Variants in TMEM123 observed in about 807,000 individuals in gnomAD.
TMEM123 encodes transmembrane protein 123, also known as porimin.
Under a neutral mutation model 19.7 loss-of-function variants are expected in TMEM123, and 16 were observed. That is an observed-to-expected ratio of 0.81 (90% CI 0.55 to 1.23). TMEM123 has a LOEUF of 1.23. Among genes scored for constraint, TMEM123 ranks in the 50% most tolerant of loss-of-function variants. TMEM123 has a pLI of 0.00. For missense variants in TMEM123, 313 were observed against 257.8 expected (o/e 1.21, Z -1.47); for synonymous variants, 118 against 99.4 (o/e 1.19, Z -1.12).
chr11:102,429,358 G>A (rs1000115052), intron 2 of TMEM123, among the ~76,000 whole-genome samples: 7 of 152,072 alleles, frequency 4.6e-5, no homozygotes, highest in African/African-American at 1.2e-4. Flanking sequence ...TCATAATCAC[G>A]CTTACGGTTC....
At chr11:102,440,826 C>T (rs1353262511) in intron 2 of TMEM123, among the ~76,000 whole-genome samples, 6 of 151,934 alleles carry the variant, frequency 3.9e-5, no homozygotes, top group Admixed American at 6.6e-5. Flanking sequence ...CACACATAGG[C>T]TCAAAATAAA....
At chr11:102,431,083 G>A (rs1190075888) in intron 2 of TMEM123, among the ~76,000 whole-genome samples, 1 of 152,126 alleles carries the variant, frequency 6.6e-6, no homozygotes, top group East Asian at 1.9e-4. Context: ...GAAATGTTTT[G>A]TAGGAGAGGG....
intron 2 of TMEM123, among the ~76,000 whole-genome samples, chr11:102,407,513 T>C (rs1951966139): frequency 6.6e-6 from 1 of 152,252 alleles, no homozygotes; most frequent in African/African-American, 2.4e-5. Context: ...TAACTCACAG[T>C]ACTTCAGAAT....
At chr11:102,416,271 T>C (rs973873249) in intron 2 of TMEM123, among the ~76,000 whole-genome samples, 3 of 151,506 alleles carry the variant, frequency 2.0e-5, no homozygotes, top group African/African-American at 7.3e-5. Context: ...GCTAGACTAA[T>C]AAAGAAAAAA....
intron 2 of TMEM123, among the ~76,000 whole-genome samples, chr11:102,443,419 A>G (rs1165520618): frequency 1.3e-5 from 2 of 152,224 alleles, no homozygotes; most frequent in African/African-American, 2.4e-5. Flanking sequence ...GATCTTTGAC[A>G]AACCTGACAA....
At chr11:102,442,167 C>T (rs367787914) in intron 2 of TMEM123, among the ~76,000 whole-genome samples, 20 of 152,226 alleles carry the variant, frequency 1.3e-4, no homozygotes, top group African/African-American at 2.6e-4. Flanking sequence ...TTCCAATCAA[C>T]AGAAAAAGAG....
At chr11:102,408,569 A>G (rs1951975702) in intron 2 of TMEM123, among the ~76,000 whole-genome samples, 1 of 152,214 alleles carries the variant, frequency 6.6e-6, no homozygotes, top group Admixed American at 6.5e-5. Flanking sequence ...AGTCTGGGAG[A>G]ATTCACTGAT....
chr11:102,452,004 C>G (rs1857945543), intron 1 of TMEM123, among the ~76,000 whole-genome samples: 2 of 152,254 alleles, frequency 1.3e-5, no homozygotes, highest in African/African-American at 4.8e-5. Context: ...CGAAGTCTAA[C>G]TTCGAGCGTC....
Position 102,402,163 on chromosome 11 carries a change from G to C in TMEM123, c.201C>G (p.Ser67=). The part of the protein sequence containing the change: ...HVPSDHTNET[S]NSTVKPPTSV... ...AAGTTGGTGGTTTCACAGTACTGTT[G>C]GAAGTTTCATTTGTATGGTCAGAAG... Residue 67 remains serine, a synonymous_variant, in exon 3 of 5, where the codon TCC becomes TCG. Coordinates refer to ENST00000398136, the MANE Select transcript of TMEM123 (RefSeq NM_052932.3). 1 of 1,614,052 alleles carries C rather than the reference G, an allele frequency of 6.2e-7. No homozygotes were observed. Among genetic ancestry groups the C allele is most frequent in the South Asian group, 1.1e-5 (1 of 91,070 alleles).
rs1256300857 is a variant in TMEM123 at position 102,421,014 on chromosome 11, T to C, written c.158-18808A>G. The stretch of plus-strand genomic sequence containing the variant: ...GTGAGTCAAGATGGTGCCACTGCAC[T>C]CCGGCCTGGGTGACAGAGCAAGACT... On this transcript the variant is annotated intron_variant, in intron 2 of 4. Coordinates refer to ENST00000398136, the MANE Select transcript of TMEM123 (RefSeq NM_052932.3). 2.6e-5 allele frequency among the ~76,000 whole-genome samples: 4 copies of C among 152,218 alleles called. No individual in the cohort carries two copies. The East Asian group carries it at 7.7e-4, about 29-fold the overall frequency.
At chr11:102,399,017 C>CT in intron 4 of TMEM123, 126 bp from the exon 5 acceptor site, 1 of 845,158 alleles carries the variant, frequency 1.2e-6, no homozygotes, top group Non-Finnish European at 1.8e-6. Flanking sequence ...GGTCAGTGTT[C>CT]TGTGTAAAGT....
intron 1 of TMEM123, 46 bp downstream of exon 1, chr11:102,452,478 G>A: frequency 7.2e-7 from 1 of 1,388,186 alleles, no homozygotes. Flanking sequence ...CCTCGGCAGC[G>A]CGCTGCCTCC....
At chr11:102,405,033 A>G (rs1477700556) in intron 2 of TMEM123, among the ~76,000 whole-genome samples, 1 of 151,350 alleles carries the variant, frequency 6.6e-6, no homozygotes, top group East Asian at 1.9e-4. Context: ...TCTTCTACTG[A>G]GTATGACCTA....
chr11:102,435,634 C>T (rs779459999), intron 2 of TMEM123, among the ~76,000 whole-genome samples: 1 of 151,882 alleles, frequency 6.6e-6, no homozygotes, highest in Non-Finnish European at 1.5e-5. Context: ...CACAAATATT[C>T]ATAGAAGCAC....
chr11:102,449,056 T>C (rs900038000), intron 1 of TMEM123, 188 bp from the exon 2 acceptor site: 1 of 549,054 alleles, frequency 1.8e-6, no homozygotes, highest in East Asian at 3.2e-5. Context: ...GGGACTGTAT[T>C]ACCAGGTTTT....
chr11:102,408,684 C>CAATT (rs1434291802), intron 2 of TMEM123, among the ~76,000 whole-genome samples: 13 of 152,296 alleles, frequency 8.5e-5, no homozygotes, highest in African/African-American at 3.1e-4. Flanking sequence ...CTGCACTGTA[C>CAATT]AATTCCCTAT....
At position 102,401,897 on chromosome 11, in the gene TMEM123, G is replaced by A. The variant is rs751799036; in HGVS notation, c.448+19C>T. 13 of 1,602,450 alleles carry A rather than the reference G, an allele frequency of 8.1e-6. No individual in the cohort carries two copies. In the Admixed American group the frequency reaches 1.2e-4, roughly 14 times the overall value. ...ACTACTTGCAGCATAGGAAAAAAAA[G>A]GTCAGCTTTAATACATACTTGTTAC... On this transcript the variant is annotated intron_variant, in intron 3 of 4. Transcript: ENST00000398136.
At chr11:102,412,316 TACTCAGGA>T (rs1296931543) in intron 2 of TMEM123, among the ~76,000 whole-genome samples, 1 of 152,122 alleles carries the variant, frequency 6.6e-6, no homozygotes, top group African/African-American at 2.4e-5. Flanking sequence ...TAATCCCAGC[TACTCAGGA>T]AGCTGAGGCA....
At chr11:102,448,324 C>T in intron 2 of TMEM123, 1 of 455,242 alleles carries the variant, frequency 2.2e-6, no homozygotes, top group Admixed American at 2.4e-5. Flanking sequence ...GGCTTTGTCC[C>T]AAACTAAAAT....
Sources: gnomAD v4.1 joint callset for allele counts (sites outside exome capture counted in the v4.1 genomes callset) on GRCh38, gnomAD v4.1.1 for gene constraint, MANE v1.5 for transcripts, NCBI Gene and HGNC (gene_info 2026-07-23, HGNC 2026-07-21) for gene names.